ACYP2: variants seen among roughly 807,000 people sequenced by gnomAD.
The protein encoded by ACYP2 is acylphosphatase-2.
Under a neutral mutation model 11.2 loss-of-function variants are expected in ACYP2, and 12 were observed. The ratio of observed to expected loss-of-function variants is 1.08; its 90% CI spans 0.69 to 1.74. ACYP2 has a LOEUF of 1.74. Ranked by LOEUF, ACYP2 falls within the 40% of genes most tolerant of loss-of-function variation. The probability of loss-of-function intolerance (pLI) is 0.00; values close to 1 mark genes in which losing one functional copy is unlikely to be tolerated. For missense variants in ACYP2, 134 were observed against 101.9 expected (o/e 1.31, Z -1.35); for synonymous variants, 43 against 32.2 (o/e 1.33, Z -1.13).
chr2:54,101,975 A>G (rs1410835416), intron 4 of ACYP2, among the ~76,000 whole-genome samples: 2 of 152,232 alleles, frequency 1.3e-5, no homozygotes, highest in Non-Finnish European at 2.9e-5. Context: ...CACTCTTTGT[A>G]TTACAGCTCT....
At chr2:54,104,806 A>C (rs557674786) in intron 4 of ACYP2, among the ~76,000 whole-genome samples, 7 of 152,330 alleles carry the variant, frequency 4.6e-5, no homozygotes, top group African/African-American at 1.7e-4. Context: ...AAATTTCTGG[A>C]GATGGGAAGA....
chr2:54,247,783 A>G (rs1391530435), intron 6 of ACYP2, among the ~76,000 whole-genome samples: 1 of 152,190 alleles, frequency 6.6e-6, no homozygotes, highest in Non-Finnish European at 1.5e-5. Context: ...TTCTGTCCAT[A>G]TGTAGTTATC....
At chr2:54,241,172 A>T (rs1344709723) in intron 6 of ACYP2, among the ~76,000 whole-genome samples, 1 of 152,204 alleles carries the variant, frequency 6.6e-6, no homozygotes, top group Middle Eastern at 3.2e-3. Flanking sequence ...AGGCAGGAAA[A>T]ACATTTTTTA....
chr2:54,194,469 C>T lies in ACYP2; in HGVS notation c.404+55721C>T, dbSNP rs80170768. ...TTATTGAGTTAAAGCTTTCCTTTAA[C>T]TCAGCTTTTTCATCCAGGAGGCACG... On this transcript the variant is annotated intron_variant, in intron 6 of 6. Transcript: ENST00000607452. Among the ~76,000 whole-genome samples, 1,206 of 152,196 alleles carry T rather than the reference C, an allele frequency of 7.9e-3. 110 individuals are homozygous for T. In the East Asian group the frequency reaches 0.18, roughly 23 times the overall value.
chr2:54,142,716 G>T (rs1194067984), intron 6 of ACYP2: 1 of 151,818 alleles, frequency 6.6e-6, no homozygotes, highest in Non-Finnish European at 1.5e-5. Context: ...GGAGTAGCCT[G>T]TCCCAAAAAA....
chr2:54,221,189 C>G (rs915698257), intron 6 of ACYP2, among the ~76,000 whole-genome samples: 3 of 152,134 alleles, frequency 2.0e-5, no homozygotes, highest in Non-Finnish European at 2.9e-5. Context: ...CTGAACCAAG[C>G]CACCCAACCA....
At chr2:54,002,961 T>G (rs1161339591) in intron 2 of ACYP2, among the ~76,000 whole-genome samples, 3 of 149,970 alleles carry the variant, frequency 2.0e-5, no homozygotes, top group Non-Finnish European at 4.4e-5. Flanking sequence ...TATTTTTTAT[T>G]TTTTGAGACA....
intron 2 of ACYP2, among the ~76,000 whole-genome samples, chr2:53,991,409 T>A (rs1193557107): frequency 6.7e-6 from 1 of 150,350 alleles, no homozygotes; most frequent in Non-Finnish European, 1.5e-5. Context: ...AACTTTTTTT[T>A]CTTTTTTTTT....
chr2:54,281,197 T>A (rs1334651206), intron 6 of ACYP2, among the ~76,000 whole-genome samples: 3 of 152,246 alleles, frequency 2.0e-5, no homozygotes, highest in Non-Finnish European at 4.4e-5. Context: ...TTAGTCTCAA[T>A]CTTAGAGTCC....
intron 3 of ACYP2, among the ~76,000 whole-genome samples, chr2:54,052,361 A>C (rs1340767551): frequency 6.6e-6 from 1 of 152,084 alleles, no homozygotes; most frequent in East Asian, 1.9e-4. Context: ...TTCAATAGCC[A>C]CTATTGAAAA....
chr2:54,139,454 GT>G (rs1681474005), intron 6 of ACYP2, among the ~76,000 whole-genome samples: 1 of 152,174 alleles, frequency 6.6e-6, no homozygotes, highest in South Asian at 2.1e-4. Flanking sequence ...AAAATGTCCT[GT>G]GTACACAATG....
intron 6 of ACYP2, among the ~76,000 whole-genome samples, chr2:54,299,316 G>A (rs907180353): frequency 7.9e-5 from 12 of 152,210 alleles, no homozygotes; most frequent in South Asian, 6.2e-4. Flanking sequence ...AAGACTGGCC[G>A]GGCACGGTGG....
Position 54,117,738 on chromosome 2 carries a change from C to T in ACYP2, c.278-17715C>T, listed in dbSNP as rs190119881. Among the ~76,000 whole-genome samples the T allele has an allele frequency of 2.5e-3, 378 of 152,038 alleles. 1 individual carries two copies. Among genetic ancestry groups the T allele is most frequent in the African/African-American group, 8.6e-3 (355 of 41,466 alleles). On this transcript the variant is annotated intron_variant, in intron 4 of 6. Coordinates refer to ENST00000607452, the MANE Select transcript of ACYP2 (RefSeq NM_001320586.2). ...AAGATTAAGAATGGGTAAAAGTGTG[C>T]CTTTTGTAAAGAGATCTTTTTTTAA...
At chr2:54,001,745 G>C (rs1672814076) in intron 2 of ACYP2, among the ~76,000 whole-genome samples, 1 of 152,188 alleles carries the variant, frequency 6.6e-6, no homozygotes, top group Admixed American at 6.5e-5. Context: ...CAGTAGATTT[G>C]GGGTAAGGCC....
intron 6 of ACYP2, among the ~76,000 whole-genome samples, chr2:54,200,963 T>C (rs10170925): frequency 0.029 from 4,448 of 152,290 alleles, 223 homozygotes; most frequent in African/African-American, 0.1. Context: ...TGGTAAGTGG[T>C]ATCTCATTAT....
intron 6 of ACYP2, among the ~76,000 whole-genome samples, chr2:54,252,667 C>A (rs1687280620): frequency 6.6e-6 from 1 of 152,030 alleles, no homozygotes; most frequent in South Asian, 2.1e-4. Flanking sequence ...ATAAATATGC[C>A]AATGGTCGGG....
chr2:54,256,340 C>A (rs770726901), intron 6 of ACYP2: 32 of 622,422 alleles, frequency 5.1e-5, no homozygotes, highest in South Asian at 4.6e-4. Context: ...GGTGTCTTTA[C>A]GTCTTTGTTA....
chr2:54,268,325 C>G (rs532984575), intron 6 of ACYP2, among the ~76,000 whole-genome samples: 2 of 152,142 alleles, frequency 1.3e-5, no homozygotes, highest in Non-Finnish European at 2.9e-5. Flanking sequence ...TTTTCCTTCT[C>G]GTCATCTTTC....
chr2:54,278,382 G>A (rs1415660288), intron 6 of ACYP2, among the ~76,000 whole-genome samples: 1 of 152,178 alleles, frequency 6.6e-6, no homozygotes, highest in African/African-American at 2.4e-5. Context: ...TATAGCTGCT[G>A]AAGCCAGGGT....
Sources: gnomAD v4.1 joint callset for allele counts (sites outside exome capture counted in the v4.1 genomes callset) on GRCh38, gnomAD v4.1.1 for gene constraint, MANE v1.5 for transcripts, NCBI Gene and HGNC (gene_info 2026-07-23, HGNC 2026-07-21) for gene names.